Variants in PDE1C observed in about 807,000 individuals in gnomAD.
PDE1C encodes the protein dual specificity calcium/calmodulin-dependent 3',5'-cyclic nucleotide phosphodiesterase 1C.
In PDE1C, 62 loss-of-function variants were observed where a neutral mutation model predicts 93.1. The observed-to-expected ratio is 0.67, with a 90% confidence interval of 0.54 to 0.82. PDE1C has a LOEUF of 0.82. PDE1C is among the 40% of genes least tolerant of loss of function. The pLI is 0.00. For missense variants in PDE1C, 742 were observed against 884.6 expected, an observed-to-expected ratio of 0.84 and a Z score of 2.04; for synonymous variants, 325 against 310.1, an observed-to-expected ratio of 1.05 and a Z score of -0.50.
chr7:31,801,596 GATA>G (rs556945311), intron 16 of PDE1C, among the ~76,000 whole-genome samples: 247 of 151,548 alleles, frequency 1.6e-3, no homozygotes, highest in African/African-American at 5.6e-3. Flanking sequence ...TTGAGAAAGA[GATA>G]ATAATGTCTC....
At chr7:32,017,525 G>C (rs572441335) in intron 2 of PDE1C, among the ~76,000 whole-genome samples, 2 of 152,210 alleles carry the variant, frequency 1.3e-5, no homozygotes, top group African/African-American at 4.8e-5. Context: ...AAAACATTTT[G>C]TGCTTTAAAT....
intron 1 of PDE1C, among the ~76,000 whole-genome samples, chr7:32,306,011 T>TC (rs1812990903): frequency 6.6e-6 from 1 of 152,130 alleles, no homozygotes; most frequent in South Asian, 2.1e-4. Context: ...AGGGGCGGTT[T>TC]CCCCCACACT....
chr7:32,369,536 G>C (rs533582767), intron 1 of PDE1C, among the ~76,000 whole-genome samples: 1 of 152,278 alleles, frequency 6.6e-6, no homozygotes, highest in East Asian at 1.9e-4. Flanking sequence ...TATACTGTTG[G>C]TGGGAATCTA....
intron 3 of PDE1C, among the ~76,000 whole-genome samples, chr7:32,120,094 C>T (rs1349509339): frequency 1.3e-5 from 2 of 152,196 alleles, no homozygotes; most frequent in Non-Finnish European, 2.9e-5. Flanking sequence ...GAGGTGCCCC[C>T]CACAGCCCCA....
intron 1 of PDE1C, among the ~76,000 whole-genome samples, chr7:32,053,258 A>G (rs1793622584): frequency 6.6e-6 from 1 of 152,210 alleles, no homozygotes; most frequent in Non-Finnish European, 1.5e-5. Flanking sequence ...TCACCTGAAC[A>G]TCAGCTCCCC....
At chr7:32,135,361 A>C (rs1196721791) in intron 3 of PDE1C, among the ~76,000 whole-genome samples, 3 of 152,194 alleles carry the variant, frequency 2.0e-5, no homozygotes, top group Non-Finnish European at 4.4e-5. Flanking sequence ...AATAGTTGCG[A>C]ACCATATATC....
At chr7:32,306,250 G>A (rs879912256) in intron 1 of PDE1C, among the ~76,000 whole-genome samples, 4 of 152,020 alleles carry the variant, frequency 2.6e-5, no homozygotes, top group East Asian at 1.9e-4. Flanking sequence ...GCATGAAAAC[G>A]GGCTAATACC....
At chr7:32,185,134 A>C (rs976634863) in intron 2 of PDE1C, among the ~76,000 whole-genome samples, 5 of 151,716 alleles carry the variant, frequency 3.3e-5, no homozygotes, top group Non-Finnish European at 5.9e-5. Flanking sequence ...AGAAAAAAAA[A>C]AACAACTTCT....
At chr7:31,790,250 T>A in intron 16 of PDE1C, 3 of 1,612,604 alleles carry the variant, frequency 1.9e-6, no homozygotes, top group Non-Finnish European at 2.5e-6. Context: ...TCTTTTTTAC[T>A]CTTGTGAATC....
At position 31,940,819 on chromosome 7, in the gene PDE1C, T is replaced by C. The variant is rs150663024; in HGVS notation, c.129-59959A>G. On this transcript the variant is annotated intron_variant, in intron 2 of 17. Transcript: ENST00000396191. ...TGAGCAGGTGGATCCAGTTTCACTC[T>C]GAGCATCCTGACTGGGCCTCCTCCC... Among the ~76,000 whole-genome samples the C allele has an allele frequency of 2.4e-3, 364 of 152,244 alleles. 2 individuals are homozygous for C. Among genetic ancestry groups the C allele is most frequent in the Non-Finnish European group, 4.2e-3 (286 of 68,010 alleles).
At chr7:31,646,376 C>T in the PDE1C span, among the ~76,000 whole-genome samples, 1 of 152,008 alleles carries the variant, frequency 6.6e-6, no homozygotes, top group Non-Finnish European at 1.5e-5. Context: ...TGTGAGTGGG[C>T]CTCCAGCACC....
intron 2 of PDE1C, among the ~76,000 whole-genome samples, chr7:31,927,399 G>A (rs747387281): frequency 7.9e-5 from 12 of 152,146 alleles, no homozygotes; most frequent in Non-Finnish European, 1.5e-4. Flanking sequence ...CCTGCCTGCC[G>A]GCTCTGAAGA....
At chr7:31,918,760 C>T (rs1802244572) in intron 2 of PDE1C, among the ~76,000 whole-genome samples, 1 of 152,190 alleles carries the variant, frequency 6.6e-6, no homozygotes, top group Non-Finnish European at 1.5e-5. Context: ...ATACCTTCGT[C>T]ATTGCCTTGC....
intron 1 of PDE1C, among the ~76,000 whole-genome samples, chr7:32,270,888 T>TGGGAGGCC (rs2128886259): frequency 6.6e-6 from 1 of 152,076 alleles, no homozygotes; most frequent in Admixed American, 6.5e-5. Context: ...CCCAGCACTT[T>TGGGAGGCC]GGGAGGCCGA....
intron 2 of PDE1C, among the ~76,000 whole-genome samples, chr7:32,179,217 A>C (rs1242413930): frequency 6.6e-6 from 1 of 151,534 alleles, no homozygotes; most frequent in African/African-American, 2.4e-5. Context: ...TTTTTTACAT[A>C]GGAAACAGGA....
In PDE1C at chr7:32,104,115, T is replaced by C. The variant is rs116654192; in HGVS notation, c.308+65670A>G. Reference sequence around the variant, plus strand: ...AAAATGAGAATAGAAGGAAATAAATTATCAGAGGAATAGTGCAGTAACATT... The same window carrying C: ...AAAATGAGAATAGAAGGAAATAAATCATCAGAGGAATAGTGCAGTAACATT... On this transcript the variant is annotated intron_variant, in intron 3 of 18. Transcript: ENST00000396193. Among the ~76,000 whole-genome samples the C allele has an allele frequency of 2.1e-3, 321 of 151,994 alleles. 1 individual carries two copies. Among genetic ancestry groups the C allele is most frequent in the African/African-American group, 7.2e-3 (300 of 41,500 alleles).
At chr7:31,955,640 T>A (rs1016719154) in intron 2 of PDE1C, among the ~76,000 whole-genome samples, 2 of 152,172 alleles carry the variant, frequency 1.3e-5, no homozygotes, top group South Asian at 2.1e-4. Context: ...CACTCCAGGT[T>A]GAACATTTAA....
At position 31,879,076 on chromosome 7, in the gene PDE1C, C is replaced by A. The variant is rs61745788; in HGVS notation, c.345G>T (p.Gly115=). Residue 115 remains glycine, a synonymous_variant, in exon 4 of 18, where the codon GGG becomes GGT. Transcript: ENST00000396191. ...TCTCGTCGCTCCTCCTGAGCATCATCCCCATCTGCCGCGTGAAGGTGGAGG... is the reference window on the plus strand; with the variant it reads ...TCTCGTCGCTCCTCCTGAGCATCATACCCATCTGCCGCGTGAAGGTGGAGG... ...WLASTFTRQM[G]MMLRRSDEKP... is the part of the protein sequence containing the mutation. 1.0e-3 allele frequency: 1,634 copies of A among 1,614,128 alleles called. 9 individuals carry two copies. In the African/African-American group the frequency reaches 0.019, roughly 19 times the overall value.
intron 2 of PDE1C, among the ~76,000 whole-genome samples, chr7:31,902,006 C>A (rs1056532688): frequency 6.6e-6 from 1 of 150,464 alleles, no homozygotes; most frequent in African/African-American, 2.4e-5. Flanking sequence ...TAAACTCATA[C>A]AAATACTTAA....
Sources: allele counts gnomAD v4.1 joint callset (sites outside exome capture counted in the v4.1 genomes callset), GRCh38; gene constraint gnomAD v4.1.1; transcripts MANE v1.5; gene names NCBI Gene and HGNC (gene_info 2026-07-23, HGNC 2026-07-21).